CDKL3: variants seen among roughly 807,000 people sequenced by gnomAD.
The protein encoded by CDKL3 is cyclin-dependent kinase-like 3.
Under a neutral mutation model 69.3 loss-of-function variants are expected in CDKL3, and 65 were observed. The ratio of observed to expected loss-of-function variants is 0.94; its 90% CI spans 0.77 to 1.15. CDKL3 has a LOEUF of 1.15. Ranked by LOEUF, CDKL3 falls within the 50% of genes most tolerant of loss-of-function variation. CDKL3 has a pLI of 0.00. For missense variants in CDKL3, 652 were observed against 689.2 expected (o/e 0.95, Z 0.61); for synonymous variants, 202 against 221.6 (o/e 0.91, Z 0.79).
At chr5:134,331,234 C>A (rs913219355) in intron 4 of CDKL3, among the ~76,000 whole-genome samples, 1 of 152,172 alleles carries the variant, frequency 6.6e-6, no homozygotes, top group African/African-American at 2.4e-5. Context: ...GTTTTCCTCA[C>A]AAGTTGATGT....
chr5:134,329,469 T>TTTTA (rs1174010428), intron 4 of CDKL3, among the ~76,000 whole-genome samples: 1 of 151,878 alleles, frequency 6.6e-6, no homozygotes, highest in African/African-American at 2.4e-5. Flanking sequence ...TAATTTTTTA[T>TTTTA]TTTATTTATT....
chr5:134,358,440 C>T (rs144300891), intron 3 of CDKL3, among the ~76,000 whole-genome samples: 434 of 152,182 alleles, frequency 2.9e-3, no homozygotes, highest in African/African-American at 9.8e-3. Context: ...ATTCAAGAAA[C>T]ATTTTTAGAG....
chr5:134,363,457 CTTT>C (rs869177235), intron 2 of CDKL3, among the ~76,000 whole-genome samples: 2 of 105,462 alleles, frequency 1.9e-5, no homozygotes, highest in African/African-American at 3.9e-5. Flanking sequence ...CCATGGCCGG[CTTT>C]TTTTTTTTTT....
chr5:134,335,962 CAA>C (rs1224341138), intron 4 of CDKL3, among the ~76,000 whole-genome samples: 1 of 152,184 alleles, frequency 6.6e-6, no homozygotes, highest in African/African-American at 2.4e-5. Context: ...GTACACCAAT[CAA>C]ACGTAGATTT....
At chr5:134,343,967 G>A (rs575288248) in intron 4 of CDKL3, among the ~76,000 whole-genome samples, 8 of 152,232 alleles carry the variant, frequency 5.3e-5, no homozygotes, top group East Asian at 1.9e-4. Flanking sequence ...TCTAGGCAGC[G>A]GGCAAGGTGA....
At chr5:134,300,212 AC>A (rs1195825801) in intron 12 of CDKL3, among the ~76,000 whole-genome samples, 3 of 151,998 alleles carry the variant, frequency 2.0e-5, no homozygotes, top group Non-Finnish European at 4.4e-5. Flanking sequence ...GGTGGCAGGC[AC>A]CTGTAATCCC....
chr5:134,300,771 G>T (rs1766105176), intron 12 of CDKL3, among the ~76,000 whole-genome samples: 1 of 151,626 alleles, frequency 6.6e-6, no homozygotes, highest in Non-Finnish European at 1.5e-5. Flanking sequence ...TTTTTTCCTG[G>T]ACTAGAAAGT....
intron 3 of CDKL3, among the ~76,000 whole-genome samples, chr5:134,355,007 C>A (rs1029374467): frequency 1.3e-5 from 2 of 151,308 alleles, no homozygotes; most frequent in Admixed American, 6.6e-5. Flanking sequence ...ATAATCCCAG[C>A]ACTTTGGAAA....
chr5:134,305,363 C>T (rs2149433075), intron 10 of CDKL3, among the ~76,000 whole-genome samples: 1 of 152,292 alleles, frequency 6.6e-6, no homozygotes, highest in East Asian at 1.9e-4. Flanking sequence ...ATCCTCCCAG[C>T]TCAGTCTCCC....
At chr5:134,327,693 G>A (rs1159416251) in intron 4 of CDKL3, among the ~76,000 whole-genome samples, 1 of 152,160 alleles carries the variant, frequency 6.6e-6, no homozygotes, top group Admixed American at 6.5e-5. Flanking sequence ...ATTAAATATT[G>A]AGCACAGAAA....
At chr5:134,359,834 A>G in intron 3 of CDKL3, 63 bp downstream of exon 3, 1 of 1,028,446 alleles carries the variant, frequency 9.7e-7, no homozygotes, top group Non-Finnish European at 1.4e-6. Flanking sequence ...AAATAAAACA[A>G]TGTATAAGGA....
At chr5:134,299,804 T>TGTATTTCCTTAGCC in intron 12 of CDKL3, 1 of 1,174,424 alleles carries the variant, frequency 8.5e-7, no homozygotes, top group Non-Finnish European at 1.2e-6. Flanking sequence ...AGTCTTTGGC[T>TGTATTTCCTTAGCC]AAGGAAATAC....
intron 3 of CDKL3, among the ~76,000 whole-genome samples, chr5:134,352,410 C>T (rs1209037662): frequency 6.6e-6 from 1 of 151,598 alleles, no homozygotes; most frequent in Non-Finnish European, 1.5e-5. Context: ...AAGAAATTCT[C>T]CTGCCTTAGC....
At chr5:134,295,017 T>C (rs540807197), downstream of CDKL3, among the ~76,000 whole-genome samples, 63 of 142,766 alleles carry the variant, frequency 4.4e-4, no homozygotes, top group Middle Eastern at 3.5e-3. Context: ...TTTTCTTTTT[T>C]TTTTTTTTTT....
At chr5:134,289,165 A>G (rs2149403609) in intron 8 of CDKL3, among the ~76,000 whole-genome samples, 1 of 108,858 alleles carries the variant, frequency 9.2e-6, no homozygotes, top group Non-Finnish European at 1.8e-5. Context: ...CTGTCTCATA[A>G]AAAAAAAAAA....
intron 11 of CDKL3, among the ~76,000 whole-genome samples, chr5:134,303,372 C>T (rs1035014291): frequency 6.6e-5 from 10 of 152,088 alleles, no homozygotes; most frequent in Admixed American, 6.6e-4. Context: ...CCACTGTGCC[C>T]AGCCTATAAA....
chr5:134,311,086 T>C (rs1279030074), intron 7 of CDKL3, among the ~76,000 whole-genome samples: 1 of 152,232 alleles, frequency 6.6e-6, no homozygotes, highest in East Asian at 1.9e-4. Flanking sequence ...GGCTGATTCA[T>C]GAATCTAAAT....
At chr5:134,335,028 T>TA (rs1242196509) in intron 4 of CDKL3, among the ~76,000 whole-genome samples, 3 of 152,214 alleles carry the variant, frequency 2.0e-5, no homozygotes, top group African/African-American at 7.2e-5. Context: ...TTAGGATAGT[T>TA]AGCTCTTCTT....
intron 6 of CDKL3, 110 bp from the exon 7 acceptor site, chr5:134,312,490 CCTT>C: frequency 1.6e-6 from 1 of 613,952 alleles, no homozygotes; most frequent in Non-Finnish European, 2.7e-6. Flanking sequence ...GATCAAAAAG[CCTT>C]CTTGAAAAGA....
Sources: gnomAD v4.1 joint callset for allele counts (sites outside exome capture counted in the v4.1 genomes callset) on GRCh38, gnomAD v4.1.1 for gene constraint, MANE v1.5 for transcripts, NCBI Gene and HGNC (gene_info 2026-07-23, HGNC 2026-07-21) for gene names.